PTPRT: variants seen among roughly 807,000 people sequenced by gnomAD.
PTPRT encodes protein tyrosine phosphatase receptor type T.
Under a neutral mutation model 176.8 loss-of-function variants are expected in PTPRT, and 56 were observed. The observed-to-expected ratio is 0.32, with a 90% CI of 0.26 to 0.40. The LOEUF (loss-of-function observed/expected upper bound fraction) is 0.40, where lower values mean the gene tolerates loss of function less well. PTPRT is among the 10% of genes least tolerant of loss of function. The pLI is 1.00. For synonymous variants in PTPRT, 783 were observed against 739.0 expected (o/e 1.06, Z -0.96); for missense variants, 1,540 against 1,908.2 (o/e 0.81, Z 3.60).
intron 1 of PTPRT, among the ~76,000 whole-genome samples, chr20:43,109,717 C>T (rs2012779872): frequency 6.6e-6 from 1 of 152,052 alleles, no homozygotes. Flanking sequence ...ATATAGGGAA[C>T]ATGACAGAAG....
At chr20:42,352,692 G>A (rs541740283) in intron 9 of PTPRT, among the ~76,000 whole-genome samples, 2 of 152,120 alleles carry the variant, frequency 1.3e-5, no homozygotes, top group East Asian at 3.9e-4. Context: ...TAATTTAACT[G>A]TACATTTTAA....
Position 42,450,280 on chromosome 20 carries a change from A to T in PTPRT, c.1451-1951T>A, listed in dbSNP as rs796920603. 2.0e-5 allele frequency among the ~76,000 whole-genome samples: 3 copies of T among 152,354 alleles called. 1 individual carries two copies. Among genetic ancestry groups the T allele is most frequent in the African/African-American group, 7.2e-5 (3 of 41,588 alleles). ...TTTACTGGGCCAAAGTAAATGAACT[A>T]TTTTATTTTTAAGGCTTTTGACATA... On this transcript the variant is annotated intron_variant, in intron 8 of 30. Coordinates refer to ENST00000373187, the MANE Select transcript of PTPRT (RefSeq NM_007050.6).
the PTPRT span, among the ~76,000 whole-genome samples, chr20:42,040,480 C>T: frequency 6.6e-6 from 1 of 152,066 alleles, no homozygotes; most frequent in African/African-American, 2.4e-5. Context: ...TGTGAGATGA[C>T]TGTGGAGGAT....
intron 12 of PTPRT, among the ~76,000 whole-genome samples, chr20:42,312,665 T>C (rs1332807001): frequency 6.6e-6 from 1 of 152,170 alleles, no homozygotes; most frequent in Non-Finnish European, 1.5e-5. Flanking sequence ...TGTGTTTCGT[T>C]ACTGGGAATC....
chr20:42,366,972 T>G (rs185157672), intron 9 of PTPRT, among the ~76,000 whole-genome samples: 1 of 152,224 alleles, frequency 6.6e-6, no homozygotes, highest in Non-Finnish European at 1.5e-5. Flanking sequence ...AAAATGTACT[T>G]CTTGGATTGT....
intron 1 of PTPRT, among the ~76,000 whole-genome samples, chr20:42,981,715 C>T (rs575024512): frequency 3.0e-4 from 46 of 152,338 alleles, no homozygotes; most frequent in African/African-American, 1.1e-3. Flanking sequence ...AGAATAACCA[C>T]CTACTGGACA....
chr20:42,790,019 C>T (rs1310133695), intron 3 of PTPRT, among the ~76,000 whole-genome samples: 2 of 152,178 alleles, frequency 1.3e-5, no homozygotes, highest in South Asian at 2.1e-4. Flanking sequence ...ATCTGACTGC[C>T]TCACCCTCTA....
chr20:42,459,192 T>C (rs1016845336), intron 8 of PTPRT, among the ~76,000 whole-genome samples: 16 of 152,226 alleles, frequency 1.1e-4, no homozygotes, highest in African/African-American at 3.6e-4. Flanking sequence ...GCAAAGGCCC[T>C]GAGGCAGGGA....
chr20:42,062,602 T>C, the PTPRT span, among the ~76,000 whole-genome samples: 3 of 152,240 alleles, frequency 2.0e-5, no homozygotes. Context: ...GGGATTTTTT[T>C]TCCCACATAA....
intron 19 of PTPRT, among the ~76,000 whole-genome samples, chr20:42,127,281 G>T (rs1392895562): frequency 2.0e-5 from 3 of 152,178 alleles, no homozygotes; most frequent in Non-Finnish European, 4.4e-5. Flanking sequence ...AGGAAAGATG[G>T]AGCCACAGAC....
chr20:42,963,581 G>T (rs1360759203), intron 1 of PTPRT, among the ~76,000 whole-genome samples: 4 of 150,624 alleles, frequency 2.7e-5, no homozygotes, highest in Non-Finnish European at 4.4e-5. Flanking sequence ...GAATATAAAT[G>T]CTATAAATAG....
chr20:42,425,237 A>G (rs1272689273), intron 9 of PTPRT, among the ~76,000 whole-genome samples: 1 of 152,170 alleles, frequency 6.6e-6, no homozygotes, highest in Non-Finnish European at 1.5e-5. Flanking sequence ...AGATTACTAT[A>G]ACGCAATGCA....
chr20:42,369,605 G>C (rs989687172), intron 9 of PTPRT, among the ~76,000 whole-genome samples: 1 of 152,180 alleles, frequency 6.6e-6, no homozygotes, highest in African/African-American at 2.4e-5. Context: ...GTGGGGGCCA[G>C]AGTTAGTCCC....
chr20:42,400,084 G>T (rs2058890437), intron 9 of PTPRT, among the ~76,000 whole-genome samples: 1 of 152,152 alleles, frequency 6.6e-6, no homozygotes, highest in South Asian at 2.1e-4. Flanking sequence ...ATGGTTCTCA[G>T]ATGCCTCATG....
At chr20:42,633,959 T>C (rs2078319653) in intron 7 of PTPRT, among the ~76,000 whole-genome samples, 1 of 20,288 alleles carries the variant, frequency 4.9e-5, no homozygotes, top group Non-Finnish European at 7.8e-5. Context: ...TATAATTATA[T>C]ATAATATATT....
chr20:43,149,367 C>G (rs1427862805), intron 1 of PTPRT, among the ~76,000 whole-genome samples: 1 of 152,160 alleles, frequency 6.6e-6, no homozygotes, highest in Non-Finnish European at 1.5e-5. Context: ...TAGGTTAATT[C>G]TATTCACTGG....
At chr20:43,046,078 G>C (rs1474775576) in intron 1 of PTPRT, among the ~76,000 whole-genome samples, 1 of 152,128 alleles carries the variant, frequency 6.6e-6, no homozygotes, top group Non-Finnish European at 1.5e-5. Flanking sequence ...GCATCTCGCA[G>C]GCCACACTAA....
intron 26 of PTPRT, among the ~76,000 whole-genome samples, chr20:42,098,937 G>A (rs1311268434): frequency 1.3e-5 from 2 of 152,250 alleles, no homozygotes; most frequent in Non-Finnish European, 2.9e-5. Flanking sequence ...CCACGATGCT[G>A]GGCGAGGTTT....
intron 7 of PTPRT, among the ~76,000 whole-genome samples, chr20:42,533,367 G>C (rs572506186): frequency 2.0e-5 from 3 of 152,190 alleles, no homozygotes; most frequent in African/African-American, 7.2e-5. Flanking sequence ...CCGGCAGTGA[G>C]CCGTCTCTCT....
Sources: gnomAD v4.1 joint callset for allele counts (sites outside exome capture counted in the v4.1 genomes callset) on GRCh38, gnomAD v4.1.1 for gene constraint, MANE v1.5 for transcripts, NCBI Gene and HGNC (gene_info 2026-07-23, HGNC 2026-07-21) for gene names.